PDE2A: variants seen among roughly 807,000 people sequenced by gnomAD.
PDE2A encodes the protein phosphodiesterase 2A, also known as cGMP-dependent 3',5'-cyclic phosphodiesterase.
A neutral mutation model predicts 133.6 loss-of-function variants in PDE2A; 53 were observed. The ratio of observed to expected loss-of-function variants is 0.40; its 90% CI spans 0.32 to 0.50. The LOEUF (loss-of-function observed/expected upper bound fraction) is 0.50, where lower values mean the gene tolerates loss of function less well. PDE2A is among the 20% of genes least tolerant of loss of function. PDE2A has a pLI of 0.73. For missense variants in PDE2A, 796 were observed against 1,232.4 expected (o/e 0.65, Z 5.30); for synonymous variants, 491 against 490.2 (o/e 1.00, Z -0.02).
At position 72,655,525 on chromosome 11, in the gene PDE2A, A is replaced by ATG. The variant is rs146709502; in HGVS notation, c.72-13201_72-13200dup. On this transcript the variant is annotated intron_variant, in intron 1 of 30. Coordinates refer to ENST00000334456, the MANE Select transcript of PDE2A (RefSeq NM_002599.5). ...TGTGCACGCACGTGTGTGTGTGTGCATGTGTGTGTGTGTGCACAGGTGAGT... is the reference window on the plus strand; with the variant it reads ...TGTGCACGCACGTGTGTGTGTGTGCATGTGTGTGTGTGTGTGCACAGGTGAGT... Among the ~76,000 whole-genome samples the ATG allele has an allele frequency of 1.9e-3, 276 of 142,554 alleles. 1 individual carries two copies. Among genetic ancestry groups the ATG allele is most frequent in the African/African-American group, 7.6e-3 (252 of 33,328 alleles). The allele number at this position is 142,554 out of a possible 152,430, so 93.5% of individuals were successfully genotyped here. A position where few individuals can be genotyped will look rare whatever the true frequency, so the allele number is the denominator to read the frequency against.
At position 72,584,724 on chromosome 11, in the gene PDE2A, T is replaced by C. The variant is rs1855883357; in HGVS notation, c.1364A>G (p.Tyr455Cys). 6 of 1,613,280 alleles carry C rather than the reference T, an allele frequency of 3.7e-6. No homozygotes were observed. Among genetic ancestry groups the C allele is most frequent in the Non-Finnish European group, 5.1e-6 (6 of 1,179,950 alleles). Reference protein sequence around the residue: ...FDGGVVDDESYEIRIPADQGI... With the variant: ...FDGGVVDDESCEIRIPADQGI... ...CTGATCGGCCGGGATGCGGATCTCATAGCTCTGCCGGAGCAGAGATGGAGT... is the reference window on the plus strand; with the variant it reads ...CTGATCGGCCGGGATGCGGATCTCACAGCTCTGCCGGAGCAGAGATGGAGT... The change falls in exon 18 of 31, where the codon TAT (tyrosine) becomes TGT (cysteine). Residue 455 changes from tyrosine to cysteine, a missense_variant. By Grantham distance (194) the Tyr-to-Cys change is radical. Around this residue, in one of 7 missense-constraint regions of PDE2A, gnomAD observed 218 missense variants for 465.9 expected, o/e 0.47. Coordinates refer to ENST00000334456, the MANE Select transcript of PDE2A (RefSeq NM_002599.5).
rs200038264 is a variant in PDE2A at position 72,590,896 on chromosome 11, A to G, written c.550-316T>C. 1.0e-4 allele frequency: 38 copies of G among 371,568 alleles called. No homozygotes were observed. The highest frequency in any genetic ancestry group is 6.7e-4 in the African/African-American group (32 of 47,898). 23.0% of individuals were successfully genotyped at this position (371,568 alleles called of 1,614,324 possible). ...TCAGGAAGTCGTAAGTCCTTGTTAA[A>G]GTCACAAAATCATAAAGTCTCAGGC... On this transcript the variant is annotated intron_variant, in intron 7 of 30. Transcript: ENST00000334456. This position sits in a 1 kb window ranked among gnomAD's most constrained non-coding sequence, Gnocchi z 4.8.
chr11:72,653,410 C>T (rs1404410634), intron 1 of PDE2A, among the ~76,000 whole-genome samples: 2 of 152,176 alleles, frequency 1.3e-5, no homozygotes, highest in Non-Finnish European at 2.9e-5. Flanking sequence ...TGGCCAGAAT[C>T]GCAGAGACTG....
intron 4 of PDE2A, chr11:72,598,699 C>T: frequency 7.8e-7 from 1 of 1,280,992 alleles, no homozygotes; most frequent in South Asian, 1.2e-5. Context: ...GAGGGGGTGG[C>T]CTGCAAGTCA....
intron 1 of PDE2A, chr11:72,658,243 T>C: frequency 4.5e-5 from 18 of 399,882 alleles, no homozygotes; most frequent in South Asian, 3.3e-4. Flanking sequence ...CCCATCAGAT[T>C]GGGCTGGGAG....
At chr11:72,602,824 C>T in intron 4 of PDE2A, among the ~76,000 whole-genome samples, 1 of 152,196 alleles carries the variant, frequency 6.6e-6, no homozygotes, top group Non-Finnish European at 1.5e-5. Context: ...TGTCTGAATC[C>T]CATTCCAGTG....
At chr11:72,599,464 G>C (rs1211938654) in intron 4 of PDE2A, among the ~76,000 whole-genome samples, 2 of 151,976 alleles carry the variant, frequency 1.3e-5, no homozygotes, top group African/African-American at 2.4e-5. Flanking sequence ...GGTCCTTCAC[G>C]GCTTGTCCAA....
chr11:72,638,097 G>A (rs1012623110), intron 2 of PDE2A, among the ~76,000 whole-genome samples: 4 of 152,144 alleles, frequency 2.6e-5, no homozygotes, highest in South Asian at 4.1e-4. Context: ...GCAGCACAGA[G>A]GCCAGCCAGA....
rs145801844 is a variant in PDE2A, at chr11:72,619,901, C to T, written c.145-11150G>A. The stretch of plus-strand genomic sequence containing the variant: ...CGTAAAATGGTCTCTTCCCCCAGAG[C>T]TGCTGAGAAGATTAAGCTGAGCCAT... On this transcript the variant is annotated intron_variant, in intron 2 of 30. Transcript: ENST00000334456. Among the ~76,000 whole-genome samples, 88 of 152,276 alleles carry T rather than the reference C, an allele frequency of 5.8e-4. 7 individuals carry two copies. The East Asian group carries it at 7.1e-3, about 12-fold the overall frequency.
chr11:72,580,844 AC>A, intron 24 of PDE2A, 41 bp downstream of exon 24: 1 of 1,243,004 alleles, frequency 8.0e-7, no homozygotes, highest in Middle Eastern at 1.9e-4. Flanking sequence ...ACTCCCAGAC[AC>A]CCCATGGAGG....
intron 2 of PDE2A, chr11:72,635,854 G>A: frequency 2.3e-6 from 1 of 428,122 alleles, no homozygotes; most frequent in Non-Finnish European, 3.3e-6. Flanking sequence ...CAGTATTGAT[G>A]TTGGGGCGAT....
intron 1 of PDE2A, among the ~76,000 whole-genome samples, chr11:72,661,464 C>T (rs1319106002): frequency 6.6e-6 from 1 of 152,172 alleles, no homozygotes; most frequent in East Asian, 1.9e-4. Context: ...CAGTCACCAC[C>T]TCAACGAGCA....
At chr11:72,581,978 G>A (rs755056896) in intron 21 of PDE2A, 31 bp from the exon 22 acceptor site, 1 of 1,578,064 alleles carries the variant, frequency 6.3e-7, no homozygotes, top group East Asian at 2.2e-5. Context: ...TATCAGAGGG[G>A]CTGCCAGTAT....
At chr11:72,579,701 C>T (rs1211639245) in intron 25 of PDE2A, 93 bp from the exon 26 acceptor site, 3 of 859,772 alleles carry the variant, frequency 3.5e-6, no homozygotes, top group East Asian at 4.9e-5. Flanking sequence ...CGTCCAGCTC[C>T]AGCCCCCAGG....
chr11:72,652,489 G>A (rs1854767287), intron 1 of PDE2A: 2 of 454,998 alleles, frequency 4.4e-6, no homozygotes, highest in Non-Finnish European at 4.4e-6. Flanking sequence ...TATGTGAGGT[G>A]CATGCCAGCC....
At chr11:72,635,222 T>C (rs572214312) in intron 2 of PDE2A, among the ~76,000 whole-genome samples, 5 of 152,314 alleles carry the variant, frequency 3.3e-5, no homozygotes, top group Non-Finnish European at 5.9e-5. Context: ...AGAAACAACC[T>C]GTGTGACCCA....
At chr11:72,596,476 TCTCTCTCTCACACACACACA>T (rs1856488750) in intron 6 of PDE2A, 97 bp downstream of exon 6, 1 of 235,388 alleles carries the variant, frequency 4.2e-6, no homozygotes, top group Non-Finnish European at 7.1e-6. Flanking sequence ...TCTCTCTCTC[TCTCTCTCTCACACACACACA>T]CACACACACA....
chr11:72,582,569 AGAG>A lies in PDE2A; in HGVS notation c.1729-6_1729-4del. The A allele has an allele frequency of 1.2e-6, 2 of 1,609,908 alleles. No homozygotes were observed. Among genetic ancestry groups the A allele is most frequent in the Non-Finnish European group, 1.7e-6 (2 of 1,177,458 alleles). On this transcript the variant is annotated splice_polypyrimidine_tract_variant and splice_region_variant and intron_variant, in intron 20 of 30. Transcript: ENST00000334456. The stretch of plus-strand genomic sequence containing the variant: ...TTGGTATACTCATCATCGGAGACCT[AGAG>A]GAGACCAGCCAGAGCATTAGAAGAC...
At chr11:72,577,671 A>T (rs746589624) in intron 30 of PDE2A, 77 bp from the exon 31 acceptor site, 26 of 1,058,940 alleles carry the variant, frequency 2.5e-5, no homozygotes, top group Non-Finnish European at 3.7e-5. Flanking sequence ...GGGCTACACA[A>T]CAAATAGAAC....
Sources: gnomAD v4.1 joint callset for allele counts (sites outside exome capture counted in the v4.1 genomes callset) on GRCh38, gnomAD v4.1.1 for gene constraint, gnomAD v4.1.1 regional missense constraint, Gnocchi (gnomAD v3.1) non-coding constraint, MANE v1.5 for transcripts, NCBI Gene and HGNC (gene_info 2026-07-23, HGNC 2026-07-21) for gene names.